The following ZNF320 variants were observed in gnomAD, a reference collection of about 807,000 sequenced individuals.
The protein encoded by ZNF320 is zinc finger protein 320.
In ZNF320, 2 loss-of-function variants were observed where a neutral mutation model predicts 6.8. That is an observed-to-expected ratio of 0.29 (90% CI 0.12 to 0.93). The LOEUF (loss-of-function observed/expected upper bound fraction) is 0.93. Ranked by LOEUF, ZNF320 falls within the 40% of genes least tolerant of loss-of-function variation. ZNF320 has a pLI of 0.55. For missense variants in ZNF320, 472 were observed against 611.0 expected, an observed-to-expected ratio of 0.77 and a Z score of 2.40; for synonymous variants, 208 against 203.2, an observed-to-expected ratio of 1.02 and a Z score of -0.20.
downstream of ZNF320, among the ~76,000 whole-genome samples, chr19:52,871,430 G>T (rs1395268604): frequency 6.6e-6 from 1 of 152,022 alleles, no homozygotes; most frequent in African/African-American, 2.4e-5. Context: ...GATGCAATAA[G>T]ATCACTTGAG....
At chr19:52,887,468 A>C (rs2064130666) in intron 5 of ZNF320, among the ~76,000 whole-genome samples, 1 of 152,328 alleles carries the variant, frequency 6.6e-6, no homozygotes, top group Admixed American at 6.5e-5. Flanking sequence ...CCTCATTCTG[A>C]ATGCTGTTGG....
At chr19:52,869,563 G>C (rs1324751654) in intron 5 of ZNF320, among the ~76,000 whole-genome samples, 1 of 152,036 alleles carries the variant, frequency 6.6e-6, no homozygotes, top group African/African-American at 2.4e-5. Flanking sequence ...TTGAGATGGA[G>C]TGTCACTCTT....
In ZNF320 at chr19:52,881,688, C is replaced by G. The variant is rs150048737; in HGVS notation, c.438G>C (p.Leu146Phe). 6.2e-7 allele frequency: 1 copy of G among 1,613,994 alleles called. No individual in the cohort carries two copies. The highest frequency in any genetic ancestry group is 1.3e-5 in the African/African-American group (1 of 75,042). The change falls in exon 6 of 6, where the codon TTG becomes TTC. Residue 146 changes from leucine to phenylalanine, a missense_variant. By Grantham distance (22) the Leu-to-Phe change is conservative (BLOSUM62 0). This residue lies in a region of ZNF320 where 462 missense variants were observed against 559.7 expected (regional missense o/e 0.83). Transcript: ENST00000682928. ...IKGQLESRFH[L>F]HLRRHRRIHT... ...GAATTCTCCTATGTCTTCGCAAATG[C>G]AAATGAAATCTTGATTCAAGCTGAC...
downstream of ZNF320, among the ~76,000 whole-genome samples, chr19:52,874,675 G>A (rs1481707655): frequency 6.6e-6 from 1 of 152,112 alleles, no homozygotes; most frequent in African/African-American, 2.4e-5. Flanking sequence ...AACAGCGAAG[G>A]AGCAAAAAGA....
chr19:52,892,293 G>C (rs1255835291), intron 2 of ZNF320: 5 of 152,282 alleles, frequency 3.3e-5, no homozygotes, highest in African/African-American at 1.2e-4. Flanking sequence ...CTTGAACCCG[G>C]AGGCGGAGGT....
chr19:52,896,078 G>A (rs1265330211), intron 1 of ZNF320, among the ~76,000 whole-genome samples: 1 of 152,038 alleles, frequency 6.6e-6, no homozygotes, highest in Non-Finnish European at 1.5e-5. Flanking sequence ...TTCTACCAAA[G>A]CTTATTTGAA....
At chr19:52,891,131 A>G in intron 3 of ZNF320, 98 bp downstream of exon 3, 1 of 152,188 alleles carries the variant, frequency 6.6e-6, no homozygotes, top group East Asian at 1.9e-4. Context: ...CCTGGGTGAC[A>G]GAGTAAGACT....
chr19:52,862,172 C>T (rs2063490176), exon 6 of ZNF320: 10 of 431,882 alleles, frequency 2.3e-5, no homozygotes, highest in South Asian at 1.8e-4. Context: ...ACAATCATTG[C>T]ATTAGTAAAC....
Position 52,882,458 on chromosome 19 carries a change from T to C in ZNF320, c.143-475A>G, listed in dbSNP as rs8105927. ...ATCAAAATCAATGGAAATTCTGTAT[T>C]ATCAAACAATCATAGCACTGAGAAG... On this transcript the variant is annotated intron_variant, in intron 5 of 5. Transcript: ENST00000682928. 1.7e-3 allele frequency among the ~76,000 whole-genome samples: 252 copies of C among 152,326 alleles called. 1 individual carries two copies. The highest frequency in any genetic ancestry group is 6.8e-3 in the Middle Eastern group (2 of 294).
downstream of ZNF320, chr19:52,873,858 G>A (rs2147789025): frequency 3.4e-6 from 1 of 291,428 alleles, no homozygotes; most frequent in Non-Finnish European, 7.0e-6. Flanking sequence ...GACAAGGACT[G>A]AGAAAAGGCA....
chr19:52,863,610 GAA>G (rs528252648), exon 6 of ZNF320, among the ~76,000 whole-genome samples: 6 of 108,184 alleles, frequency 5.5e-5, no homozygotes, highest in East Asian at 2.8e-4. Flanking sequence ...CTCAAAAAAG[GAA>G]AAAAAAAAAA....
chr19:52,903,281 C>T, the ZNF320 span, among the ~76,000 whole-genome samples: 3 of 152,182 alleles, frequency 2.0e-5, no homozygotes, highest in Non-Finnish European at 4.4e-5. Flanking sequence ...AAGTTTGGGA[C>T]TTCAATTATC....
intron 1 of ZNF320, chr19:52,894,899 AAAC>A (rs765468168): frequency 2.6e-5 from 4 of 152,962 alleles, no homozygotes; most frequent in Non-Finnish European, 4.4e-5. Flanking sequence ...ACAAAAACCA[AAAC>A]AACAACAACA....
exon 6 of ZNF320, among the ~76,000 whole-genome samples, chr19:52,860,859 C>A (rs541537614): frequency 1.1e-4 from 16 of 152,200 alleles, no homozygotes; most frequent in African/African-American, 3.6e-4. Flanking sequence ...CTTTGTCATT[C>A]TAGCTCTCCT....
At chr19:52,899,608 G>GC (rs2064563894), upstream of ZNF320, among the ~76,000 whole-genome samples, 1 of 152,058 alleles carries the variant, frequency 6.6e-6, no homozygotes, top group African/African-American at 2.4e-5. Flanking sequence ...GACTACAGGT[G>GC]CTGCCACCGC....
At chr19:52,889,909 A>C (rs189926095) in intron 4 of ZNF320, among the ~76,000 whole-genome samples, 1 of 152,252 alleles carries the variant, frequency 6.6e-6, no homozygotes, top group Admixed American at 6.5e-5. Context: ...ATCCTGGTCC[A>C]CGGAGAGCTG....
the ZNF320 span, among the ~76,000 whole-genome samples, chr19:52,903,786 G>A: frequency 6.6e-6 from 1 of 151,790 alleles, no homozygotes; most frequent in African/African-American, 2.4e-5. Context: ...GCACACACAC[G>A]CACTTTTACC....
At chr19:52,871,444 G>A (rs1364299960), downstream of ZNF320, among the ~76,000 whole-genome samples, 2 of 152,092 alleles carry the variant, frequency 1.3e-5, no homozygotes, top group Non-Finnish European at 2.9e-5. Context: ...ACTTGAGCCT[G>A]GGACACAGAG....
chr19:52,888,801 G>T (rs933412509), intron 4 of ZNF320, among the ~76,000 whole-genome samples: 1 of 152,074 alleles, frequency 6.6e-6, no homozygotes, highest in Non-Finnish European at 1.5e-5. Context: ...AAATATATAC[G>T]TGTGTGTACA....
Sources: gnomAD v4.1 joint callset for allele counts (sites outside exome capture counted in the v4.1 genomes callset) on GRCh38, gnomAD v4.1.1 for gene constraint, gnomAD v4.1.1 regional missense constraint, MANE v1.5 for transcripts, NCBI Gene and HGNC (gene_info 2026-07-23, HGNC 2026-07-21) for gene names.